PHIP: variants seen among roughly 807,000 people sequenced by gnomAD.
PHIP encodes the protein PH-interacting protein.
A neutral mutation model predicts 236.8 loss-of-function variants in PHIP; 54 were observed. The observed-to-expected ratio is 0.23, with a 90% CI of 0.18 to 0.29. The LOEUF is 0.29. Ranked by LOEUF, PHIP falls within the 10% of genes least tolerant of loss-of-function variation. PHIP has a pLI of 1.00. For synonymous variants in PHIP, 756 were observed against 718.9 expected (o/e 1.05, Z -0.83); for missense variants, 1,370 against 2,190.8 (o/e 0.63, Z 7.48).
At chr6:78,988,922 G>A (rs1449062086) in intron 20 of PHIP, among the ~76,000 whole-genome samples, 5 of 152,120 alleles carry the variant, frequency 3.3e-5, no homozygotes, top group Non-Finnish European at 1.5e-5. Flanking sequence ...AAGCTACCCT[G>A]CCACTATGAA....
At chr6:78,956,943 A>G (rs890473394) in intron 32 of PHIP, 2 of 152,082 alleles carry the variant, frequency 1.3e-5, no homozygotes, top group Admixed American at 1.3e-4. Context: ...GTATGTATCA[A>G]TTGCTTGAAA....
intron 24 of PHIP, among the ~76,000 whole-genome samples, chr6:78,973,658 G>A (rs541185856): frequency 1.4e-5 from 2 of 147,578 alleles, no homozygotes; most frequent in African/African-American, 5.0e-5. Flanking sequence ...ACACACATAG[G>A]CTCAAAATAA....
chr6:78,985,256 C>T, intron 22 of PHIP, 96 bp downstream of exon 22: 1 of 717,512 alleles, frequency 1.4e-6, no homozygotes, highest in Non-Finnish European at 2.5e-6. Context: ...GAACTTTGAA[C>T]TTACAGAGAC....
intron 6 of PHIP, among the ~76,000 whole-genome samples, chr6:79,051,705 C>A (rs1447938806): frequency 6.6e-6 from 1 of 152,022 alleles, no homozygotes; most frequent in Non-Finnish European, 1.5e-5. Flanking sequence ...GAACCAACTA[C>A]ATTAAGAGCA....
intron 29 of PHIP, among the ~76,000 whole-genome samples, chr6:78,965,487 T>C (rs1240947608): frequency 6.6e-6 from 1 of 152,238 alleles, no homozygotes; most frequent in Admixed American, 6.5e-5. Context: ...CTGTAATAAA[T>C]TAATTTCAAT....
chr6:79,055,948 TCTACCAACC>T (rs1773046717), intron 6 of PHIP, among the ~76,000 whole-genome samples: 1 of 152,198 alleles, frequency 6.6e-6, no homozygotes. Flanking sequence ...TTCTCTTCTT[TCTACCAACC>T]TTCATTCCAT....
chr6:79,000,251 T>G (rs1002744506), intron 17 of PHIP, among the ~76,000 whole-genome samples: 2 of 152,072 alleles, frequency 1.3e-5, no homozygotes, highest in Admixed American at 6.6e-5. Flanking sequence ...TGAAAAATTT[T>G]GGGACTCATT....
chr6:79,002,178 GA>G, intron 16 of PHIP, 54 bp from the exon 17 acceptor site: 1 of 1,250,904 alleles, frequency 8.0e-7, no homozygotes, highest in Non-Finnish European at 1.1e-6. Flanking sequence ...TATCATTGTA[GA>G]AAAAAAGTCT....
At chr6:78,988,725 C>G (rs977340998) in intron 20 of PHIP, among the ~76,000 whole-genome samples, 3 of 149,542 alleles carry the variant, frequency 2.0e-5, no homozygotes, top group Admixed American at 6.7e-5. Flanking sequence ...TGATTAGTTA[C>G]AAAAATGCTG....
chr6:79,018,688 A>G (rs1345076100), intron 10 of PHIP, among the ~76,000 whole-genome samples: 1 of 151,990 alleles, frequency 6.6e-6, no homozygotes, highest in East Asian at 1.9e-4. Flanking sequence ...ACTGATAAAG[A>G]TGTACAAATA....
chr6:79,046,516 T>G (rs1272328953), intron 6 of PHIP, among the ~76,000 whole-genome samples: 2 of 152,230 alleles, frequency 1.3e-5, no homozygotes. Context: ...GATTTTATTT[T>G]GTTCTCTGAT....
chr6:79,013,323 C>G (rs1441294358), intron 15 of PHIP, among the ~76,000 whole-genome samples: 1 of 151,518 alleles, frequency 6.6e-6, no homozygotes, highest in African/African-American at 2.4e-5. Context: ...TGTTTTTTAG[C>G]TTTTTTGGTT....
chr6:78,963,361 ATTTG>A, intron 29 of PHIP, 109 bp from the exon 30 acceptor site: 1 of 757,656 alleles, frequency 1.3e-6, no homozygotes, highest in Non-Finnish European at 2.0e-6. Context: ...TTTTGTATAG[ATTTG>A]TAAATATACT....
rs982479019 is a variant in PHIP at position 78,975,177 on chromosome 6, G to A, written c.2889+3415C>T. On this transcript the variant is annotated intron_variant, in intron 24 of 39. Coordinates refer to ENST00000275034, the MANE Select transcript of PHIP (RefSeq NM_017934.7). ...GCACATCAAAAAGCTTATCCACCAT[G>A]AACAAGTGGGCTTCATCCCTGGGAT... 2.1e-3 allele frequency among the ~76,000 whole-genome samples: 316 copies of A among 151,980 alleles called. 1 individual carries two copies. Among genetic ancestry groups the A allele is most frequent in the African/African-American group, 6.7e-3 (276 of 41,404 alleles).
At chr6:79,052,313 G>C (rs1297421848) in intron 6 of PHIP, among the ~76,000 whole-genome samples, 1 of 152,176 alleles carries the variant, frequency 6.6e-6, no homozygotes, top group Admixed American at 6.5e-5. Context: ...ATGTGCAATA[G>C]CCTGAGGCTG....
intron 7 of PHIP, among the ~76,000 whole-genome samples, chr6:79,034,213 T>C (rs931466500): frequency 3.9e-5 from 6 of 152,158 alleles, no homozygotes; most frequent in African/African-American, 1.4e-4. Flanking sequence ...AATATACAAT[T>C]TGTAAAAAAT....
Position 79,060,669 on chromosome 6 carries a change from T to C in PHIP, c.339A>G (p.Lys113=), listed in dbSNP as rs146765729. The C allele has an allele frequency of 1.1e-5, 17 of 1,610,674 alleles. No homozygotes were observed. The highest frequency in any genetic ancestry group is 1.4e-5 in the Non-Finnish European group (16 of 1,178,784). ...AATCCTATGAGAAAATTTTCATACT[T>C]TTATTTGTGCGTAGTAAAGACTGTC... ...AGRQSLLRTN[K]SCKHVVWKGS... is the part of the protein sequence containing the mutation. Residue 113 remains lysine, a splice_region_variant and synonymous_variant, in exon 5 of 40, where the codon AAA becomes AAG. Coordinates refer to ENST00000275034, the MANE Select transcript of PHIP (RefSeq NM_017934.7).
intron 6 of PHIP, among the ~76,000 whole-genome samples, chr6:79,048,003 A>ATTTTT (rs369839344): frequency 3.5e-5 from 5 of 144,850 alleles, no homozygotes; most frequent in East Asian, 4.0e-4. Flanking sequence ...ATACATATGT[A>ATTTTT]TTTTTTTTTT....
chr6:79,059,286 A>T (rs1773235018), intron 6 of PHIP, among the ~76,000 whole-genome samples: 1 of 152,012 alleles, frequency 6.6e-6, no homozygotes, highest in South Asian at 2.1e-4. Context: ...GAATTTTTCA[A>T]TGTCAATAAA....
Sources: allele counts gnomAD v4.1 joint callset (sites outside exome capture counted in the v4.1 genomes callset), GRCh38; gene constraint gnomAD v4.1.1; transcripts MANE v1.5; gene names NCBI Gene and HGNC (gene_info 2026-07-23, HGNC 2026-07-21).